Variants in ARSB observed in about 807,000 individuals in gnomAD.
ARSB encodes the protein arylsulfatase B.
ARSB carries 41 observed loss-of-function variants against 50.9 expected under a neutral mutation model. That is an observed-to-expected ratio of 0.81 (90% confidence interval 0.63 to 1.04). The LOEUF is 1.04. Ranked by LOEUF, ARSB falls within the 50% of genes least tolerant of loss-of-function variation. The pLI is 0.00. For missense variants in ARSB, 672 were observed against 693.3 expected (o/e 0.97, Z 0.35); for synonymous variants, 269 against 284.8 (o/e 0.94, Z 0.56).
chr5:78,867,166 T>C (rs896888870), intron 5 of ARSB, among the ~76,000 whole-genome samples: 4 of 152,102 alleles, frequency 2.6e-5, no homozygotes, highest in Admixed American at 2.6e-4. Flanking sequence ...CGGAGGGTCC[T>C]ACACCCACGG....
chr5:78,801,845 G>A (rs1209696022), intron 6 of ARSB, among the ~76,000 whole-genome samples: 1 of 152,052 alleles, frequency 6.6e-6, no homozygotes, highest in Admixed American at 6.6e-5. Flanking sequence ...TGGTCTCCAA[G>A]ACACTGCTTT....
At position 78,985,240 on chromosome 5, in the gene ARSB, C is replaced by G. The variant is rs1289000597; in HGVS notation, c.9G>C (p.Pro3=). The stretch of plus-strand genomic sequence containing the variant: ...CTCGGGGCAAGCTCGCCGCGCCGCG[C>G]GGACCCATCCTTGTCCGCCCGCGGT... MG[P]RGAASLPRGP... The change falls in exon 1 of 8, where the codon CCG becomes CCC. Residue 3 remains proline (P), a synonymous_variant. Coordinates refer to ENST00000264914, the MANE Select transcript of ARSB (RefSeq NM_000046.5). 1 of 1,319,514 alleles carries G rather than the reference C, an allele frequency of 7.6e-7. No individual in the cohort carries two copies. Among genetic ancestry groups the G allele is most frequent in the Non-Finnish European group, 9.6e-7 (1 of 1,041,014 alleles). The allele number at this position is 1,319,514 out of a possible 1,614,324, so 81.7% of individuals were successfully genotyped here.
intron 6 of ARSB, among the ~76,000 whole-genome samples, chr5:78,793,359 A>C (rs1027601406): frequency 6.6e-6 from 1 of 152,178 alleles, no homozygotes; most frequent in African/African-American, 2.4e-5. Flanking sequence ...TTAGAAGACA[A>C]CGCTCTTTTT....
At chr5:78,828,280 C>T (rs1486458268) in intron 6 of ARSB, among the ~76,000 whole-genome samples, 1 of 151,780 alleles carries the variant, frequency 6.6e-6, no homozygotes, top group African/African-American at 2.4e-5. Context: ...TCTTGCACCA[C>T]CCCCCCATCT....
At chr5:78,949,930 A>G (rs1751426896) in intron 4 of ARSB, among the ~76,000 whole-genome samples, 1 of 152,156 alleles carries the variant, frequency 6.6e-6, no homozygotes, top group Admixed American at 6.5e-5. Context: ...AAACAAACAA[A>G]AAAAAGAGTT....
At chr5:78,894,383 T>C (rs967197572) in intron 4 of ARSB, among the ~76,000 whole-genome samples, 1 of 152,242 alleles carries the variant, frequency 6.6e-6, no homozygotes, top group Non-Finnish European at 1.5e-5. Context: ...TTCTCAATTT[T>C]TATCCTTGGA....
chr5:78,814,186 A>G (rs778279052), intron 6 of ARSB, among the ~76,000 whole-genome samples: 1 of 151,112 alleles, frequency 6.6e-6, no homozygotes, highest in Non-Finnish European at 1.5e-5. Flanking sequence ...AAATATACAG[A>G]GCAAAAAGAC....
intron 4 of ARSB, among the ~76,000 whole-genome samples, chr5:78,942,213 T>C (rs1201343612): frequency 1.3e-5 from 2 of 152,212 alleles, no homozygotes; most frequent in Admixed American, 1.3e-4. Flanking sequence ...ATCAATTTTG[T>C]TGATCTTTTC....
At chr5:78,897,007 T>C (rs1271650106) in intron 4 of ARSB, among the ~76,000 whole-genome samples, 2 of 152,012 alleles carry the variant, frequency 1.3e-5, no homozygotes, top group Non-Finnish European at 2.9e-5. Flanking sequence ...TGCATACAGT[T>C]ATAGACGAAA....
intron 1 of ARSB, among the ~76,000 whole-genome samples, chr5:78,969,509 C>A: frequency 6.6e-6 from 1 of 152,172 alleles, no homozygotes; most frequent in East Asian, 1.9e-4. Context: ...TGGTGTGAAT[C>A]TAACAAGAAA....
At chr5:78,932,085 C>A (rs1388579414) in intron 4 of ARSB, among the ~76,000 whole-genome samples, 2 of 152,188 alleles carry the variant, frequency 1.3e-5, no homozygotes, top group Non-Finnish European at 2.9e-5. Flanking sequence ...TGGACTAATA[C>A]ACTGATTTTC....
In ARSB at chr5:78,910,312, C is replaced by T. The variant is rs560718920; in HGVS notation, c.899-24485G>A. Among the ~76,000 whole-genome samples, 4 of 152,308 alleles carry T rather than the reference C, an allele frequency of 2.6e-5. No individual in the cohort carries two copies. The East Asian group carries it at 5.8e-4, about 22-fold the overall frequency. ...TGTCTTATTTCTTTTCTCAGTCTCT[C>T]GTCCCACCCGATGAGAAATACCCAC... On this transcript the variant is annotated intron_variant, in intron 4 of 7. Transcript: ENST00000264914.
chr5:78,800,060 G>A (rs1743325915), intron 6 of ARSB, among the ~76,000 whole-genome samples: 1 of 152,168 alleles, frequency 6.6e-6, no homozygotes, highest in Non-Finnish European at 1.5e-5. Flanking sequence ...GCTCACGTCT[G>A]TAATCCCGGC....
At chr5:78,899,149 C>T (rs1748695704) in intron 4 of ARSB, among the ~76,000 whole-genome samples, 4 of 152,170 alleles carry the variant, frequency 2.6e-5, no homozygotes, top group Admixed American at 6.5e-5. Context: ...TCCCTCCTGG[C>T]CTGTTTAGTT....
At chr5:78,954,635 G>A (rs1377773105) in intron 4 of ARSB, among the ~76,000 whole-genome samples, 1 of 152,076 alleles carries the variant, frequency 6.6e-6, no homozygotes, top group Non-Finnish European at 1.5e-5. Flanking sequence ...CTCCCGAGTA[G>A]CTGGGACTAC....
chr5:78,865,441 G>C (rs890082452), intron 5 of ARSB, among the ~76,000 whole-genome samples: 2 of 152,074 alleles, frequency 1.3e-5, no homozygotes, highest in Non-Finnish European at 2.9e-5. Flanking sequence ...AGGGACCCTA[G>C]GCCTGGCCCC....
At chr5:78,926,616 A>G (rs1580071213) in intron 4 of ARSB, among the ~76,000 whole-genome samples, 1 of 151,892 alleles carries the variant, frequency 6.6e-6, no homozygotes, top group Non-Finnish European at 1.5e-5. Flanking sequence ...TGACTTTACT[A>G]CTCCTGCCTC....
chr5:78,964,690 C>T, intron 2 of ARSB, 84 bp from the exon 3 acceptor site: 7 of 1,275,208 alleles, frequency 5.5e-6, no homozygotes, highest in Non-Finnish European at 6.7e-6. Flanking sequence ...TTGCCTAATG[C>T]AATTGATTAC....
intron 6 of ARSB, among the ~76,000 whole-genome samples, chr5:78,824,849 G>T (rs537877913): frequency 1.3e-5 from 2 of 152,292 alleles, no homozygotes; most frequent in African/African-American, 4.8e-5. Context: ...GGTTAAGATA[G>T]GCAGAAAAGA....
Sources: gnomAD v4.1 joint callset for allele counts (sites outside exome capture counted in the v4.1 genomes callset) on GRCh38, gnomAD v4.1.1 for gene constraint, MANE v1.5 for transcripts, NCBI Gene and HGNC (gene_info 2026-07-23, HGNC 2026-07-21) for gene names.